ASB1: variants seen among roughly 807,000 people sequenced by gnomAD.
ASB1 encodes ankyrin repeat and SOCS box protein 1.
In ASB1, 18 loss-of-function variants were observed where a neutral mutation model predicts 27.7. The ratio of observed to expected loss-of-function variants is 0.65; its 90% confidence interval spans 0.45 to 0.96. The LOEUF (loss-of-function observed/expected upper bound fraction) is 0.96, where lower values mean the gene tolerates loss of function less well. Among genes scored for constraint, ASB1 ranks in the 50% least tolerant of loss-of-function variants. The pLI, the probability that ASB1 is intolerant of heterozygous loss-of-function variation, is 0.00. For missense variants in ASB1, 397 were observed against 451.7 expected, an observed-to-expected ratio of 0.88 and a Z score of 1.10; for synonymous variants, 189 against 187.6, an observed-to-expected ratio of 1.01 and a Z score of -0.06.
intron 3 of ASB1, among the ~76,000 whole-genome samples, chr2:238,436,439 T>C (rs775587589): frequency 6.6e-6 from 1 of 152,156 alleles, no homozygotes; most frequent in Non-Finnish European, 1.5e-5. Flanking sequence ...GCTCAGATAA[T>C]ATGGACCAGA....
Position 238,451,986 on chromosome 2 carries a change from G to T in ASB1, c.*5475G>T, listed in dbSNP as rs887955219. 6.6e-6 allele frequency: 1 copy of T among 152,234 alleles called. No individual in the cohort carries two copies. Among genetic ancestry groups the T allele is most frequent in the African/African-American group, 2.4e-5 (1 of 41,460 alleles). The allele number at this position is 152,234 out of a possible 1,614,324, so 9.4% of individuals were successfully genotyped here. ...CCAGGTTGAAACTCCCTGACAGCCT[G>T]TTCTACGTAGTGGCTCGTGGTTTCC... On this transcript the variant is annotated 3_prime_UTR_variant, in exon 5 of 5. Coordinates refer to ENST00000264607, the MANE Select transcript of ASB1 (RefSeq NM_001040445.3).
chr2:238,443,884 T>C (rs1702126304), intron 3 of ASB1, among the ~76,000 whole-genome samples: 1 of 152,234 alleles, frequency 6.6e-6, no homozygotes, highest in South Asian at 2.1e-4. Flanking sequence ...CATGGTATAT[T>C]GCTTTCTTAA....
chr2:238,426,977 A>G lies in ASB1; in HGVS notation c.-94A>G. On this transcript the variant is annotated 5_prime_UTR_variant, in exon 1 of 5. Transcript: ENST00000264607. The stretch of plus-strand genomic sequence containing the variant: ...AAGCCGCGACCCCGACGCGCCCCCC[A>G]TTGCCCTCGGCGCCGGAAGTGGTCG... 9.5e-7 allele frequency: 1 copy of G among 1,055,492 alleles called. No individual in the cohort carries two copies. Among genetic ancestry groups the G allele is most frequent in the Non-Finnish European group, 1.2e-6 (1 of 830,144 alleles). 65.4% of individuals were successfully genotyped at this position (1,055,492 alleles called of 1,614,324 possible). A position where few individuals can be genotyped will look rare whatever the true frequency, so the allele number is the denominator to read the frequency against.
intron 3 of ASB1, among the ~76,000 whole-genome samples, chr2:238,441,940 TCAAA>T (rs1379902151): frequency 5.3e-5 from 8 of 152,344 alleles, no homozygotes; most frequent in South Asian, 2.1e-4. Context: ...TTTTCATTGC[TCAAA>T]CAATGAATGA....
In ASB1 at chr2:238,444,979, C is replaced by CTTTTT. The variant is rs34563680; in HGVS notation, c.880+268_880+272dup. 1.1e-4 allele frequency among the ~76,000 whole-genome samples: 13 copies of CTTTTT among 117,882 alleles called. 1 individual carries two copies. Among genetic ancestry groups the CTTTTT allele is most frequent in the Non-Finnish European group, 1.7e-4 (10 of 58,794 alleles). The allele number at this position is 117,882 out of a possible 152,430, so 77.3% of individuals were successfully genotyped here. A position where few individuals can be genotyped will look rare whatever the true frequency, so the allele number is the denominator to read the frequency against. On this transcript the variant is annotated intron_variant, in intron 4 of 4. Coordinates refer to ENST00000264607, the MANE Select transcript of ASB1 (RefSeq NM_001040445.3). ...ACTCCTAGAATTATGCTCGCGCTCT[C>CTTTTT]TTTTTTTTTTTTTTTTTTTTGAGGC...
intron 1 of ASB1, among the ~76,000 whole-genome samples, chr2:238,429,575 ACATGAAATTTTTGGTTTCC>A (rs1265015450): frequency 6.6e-6 from 1 of 152,192 alleles, no homozygotes; most frequent in Admixed American, 6.5e-5. Flanking sequence ...AAACCAAGTC[ACATGAAATTTTTGGTTTCC>A]CAGTGCATAT....
chr2:238,446,386 G>C lies in ASB1; in HGVS notation c.883G>C (p.Val295Leu), dbSNP rs1559416690. 6.3e-7 allele frequency: 1 copy of C among 1,599,894 alleles called. No individual in the cohort carries two copies. Among genetic ancestry groups the C allele is most frequent in the African/African-American group, 1.3e-5 (1 of 74,494 alleles). ...ALQVFKEARSVPRTLLCLCRV... is the reference protein window; with the variant it reads ...ALQVFKEARSLPRTLLCLCRV... ...CTCTTTCTTCCCACGGCCTTCAGGTGTTCCCAGAACCTTGCTGTGTCTGTG... is the reference window on the plus strand; with the variant it reads ...CTCTTTCTTCCCACGGCCTTCAGGTCTTCCCAGAACCTTGCTGTGTCTGTG... Residue 295 changes from valine (V) to leucine (L), a missense_variant and splice_region_variant, in exon 5 of 5, where the codon GTT (valine) becomes CTT (leucine). Transcript: ENST00000264607.
chr2:238,427,856 T>TAAAGAAA (rs1276973639), intron 1 of ASB1: 7 of 152,306 alleles, frequency 4.6e-5, no homozygotes, highest in African/African-American at 1.7e-4. Context: ...GTTTCGTGTG[T>TAAAGAAA]TCTGGGCTTT....
At chr2:238,438,434 T>C (rs1264658758) in intron 3 of ASB1, among the ~76,000 whole-genome samples, 1 of 152,162 alleles carries the variant, frequency 6.6e-6, no homozygotes, top group East Asian at 1.9e-4. Context: ...TCTCCTGACC[T>C]TGTGATCCGC....
chr2:238,435,234 TG>T (rs1280847139), intron 2 of ASB1: 1 of 167,034 alleles, frequency 6.0e-6, no homozygotes, highest in African/African-American at 2.4e-5. Context: ...TGTTAGAGGT[TG>T]GGGGCCTACA....
Position 238,436,698 on chromosome 2 carries a change from G to C in ASB1, c.494+685G>C, listed in dbSNP as rs897379471. Among the ~76,000 whole-genome samples the C allele has an allele frequency of 5.8e-4, 87 of 151,268 alleles. 1 individual carries two copies. The highest frequency in any genetic ancestry group is 2.0e-3 in the African/African-American group (84 of 41,262). The stretch of plus-strand genomic sequence containing the variant: ...TTTTAATGTCAGACTACATTGTTGT[G>C]AATGCTTGAAACAAGTACATGACCA... On this transcript the variant is annotated intron_variant, in intron 3 of 4. Coordinates refer to ENST00000264607, the MANE Select transcript of ASB1 (RefSeq NM_001040445.3).
At chr2:238,430,746 C>A (rs149343718) in intron 1 of ASB1, among the ~76,000 whole-genome samples, 1 of 152,178 alleles carries the variant, frequency 6.6e-6, no homozygotes, top group African/African-American at 2.4e-5. Flanking sequence ...CCATTGGCTG[C>A]GGAATGGCTG....
In ASB1 at chr2:238,449,127, T is replaced by C. The variant is rs1381146665; in HGVS notation, c.*2616T>C. On this transcript the variant is annotated 3_prime_UTR_variant, in exon 5 of 5. Coordinates refer to ENST00000264607, the MANE Select transcript of ASB1 (RefSeq NM_001040445.3). Reference sequence around the variant, plus strand: ...TATCTTGTTTCATAGCTGCCAAATATGAATCTGAAAACAGGGTGGGTAGCT... The same window carrying C: ...TATCTTGTTTCATAGCTGCCAAATACGAATCTGAAAACAGGGTGGGTAGCT... The C allele has an allele frequency of 1.3e-5, 2 of 152,264 alleles. No individual in the cohort carries two copies. The highest frequency in any genetic ancestry group is 2.9e-5 in the Non-Finnish European group (2 of 68,050). The allele number at this position is 152,264 out of a possible 1,614,324, so 9.4% of individuals were successfully genotyped here.
Position 238,436,011 on chromosome 2 carries a change from C to T in ASB1, c.492C>T (p.Ile164=), listed in dbSNP as rs1398898914. Residue 164 remains isoleucine, a splice_region_variant and synonymous_variant, in exon 3 of 5, where the codon ATC becomes ATT. Coordinates refer to ENST00000264607, the MANE Select transcript of ASB1 (RefSeq NM_001040445.3). ...GGGCAGACATCCTGAAGGCCCTCAT[C>T]AGGCCAGTACTGTGGAGCTCGCCTG... is the stretch of plus-strand genomic sequence containing the variant. The part of the protein sequence containing the change: ...VGRADILKAL[I]RYGADVDVNH... The T allele has an allele frequency of 2.9e-5, 46 of 1,605,738 alleles. No individual in the cohort carries two copies. Among genetic ancestry groups the T allele is most frequent in the Non-Finnish European group, 3.7e-5 (44 of 1,175,734 alleles).
At chr2:238,441,611 C>T (rs1702079148) in intron 3 of ASB1, among the ~76,000 whole-genome samples, 1 of 152,192 alleles carries the variant, frequency 6.6e-6, no homozygotes, top group African/African-American at 2.4e-5. Context: ...TTCCCTCCCT[C>T]TTCCTGTGCT....
chr2:238,441,120 G>A (rs1302955387), intron 3 of ASB1, among the ~76,000 whole-genome samples: 3 of 151,602 alleles, frequency 2.0e-5, no homozygotes, highest in East Asian at 1.9e-4. Flanking sequence ...GAGTTCATGC[G>A]TTTCTTTTTG....
rs368564719 is a variant in ASB1, at chr2:238,444,494, C to T, written c.647C>T (p.Ala216Val). The T allele has an allele frequency of 8.7e-6, 14 of 1,614,178 alleles. No homozygotes were observed. In the East Asian group the frequency reaches 8.9e-5, roughly 10 times the overall value. ...QCFRLLLLAG[A>V]NPDFNCNGPV... is the part of the protein sequence containing the mutation. ...TTCCGGCTGCTCCTCCTGGCTGGCG[C>T]GAACCCTGACTTCAACTGCAATGGT... Residue 216 changes from alanine (A) to valine (V), a missense_variant, in exon 4 of 5, where the codon GCG (alanine) becomes GTG (valine). By Grantham distance (64) the Ala-to-Val change is moderately conservative. Transcript: ENST00000264607.
chr2:238,428,761 T>G (rs1559411270), intron 1 of ASB1, among the ~76,000 whole-genome samples: 2 of 152,192 alleles, frequency 1.3e-5, no homozygotes, highest in Non-Finnish European at 2.9e-5. Flanking sequence ...TGAAGTTGCT[T>G]TTGAATCTGG....
intron 3 of ASB1, among the ~76,000 whole-genome samples, chr2:238,442,767 T>C (rs1352298241): frequency 6.6e-6 from 1 of 152,198 alleles, no homozygotes; most frequent in East Asian, 1.9e-4. Flanking sequence ...CATATGGATG[T>C]CCAGTTACCC....
Sources: allele counts gnomAD v4.1 joint callset (sites outside exome capture counted in the v4.1 genomes callset), GRCh38; gene constraint gnomAD v4.1.1; transcripts MANE v1.5; gene names NCBI Gene and HGNC (gene_info 2026-07-23, HGNC 2026-07-21).